The following MRGPRF variants were observed in gnomAD, a reference collection of about 807,000 sequenced individuals.
The protein encoded by MRGPRF is mas-related G protein-coupled receptor member F.
MRGPRF carries 2 observed loss-of-function variants against 3.3 expected under a neutral mutation model. The ratio of observed to expected loss-of-function variants is 0.61; its 90% CI spans 0.25 to 1.92. The LOEUF is 1.92. Ranked by LOEUF, MRGPRF falls within the 40% of genes most tolerant of loss-of-function variation. The pLI is 0.16. For missense variants in MRGPRF, 500 were observed against 476.0 expected (o/e 1.05, Z -0.47); for synonymous variants, 242 against 222.7 (o/e 1.09, Z -0.77).
Position 69,005,309 on chromosome 11 carries a change from T to C in MRGPRF, c.1001A>G (p.Glu334Gly). Residue 334 changes from glutamate (E) to glycine (G), a missense_variant, in exon 3 of 3, where the codon GAG becomes GGG. Coordinates refer to ENST00000309099, the MANE Select transcript of MRGPRF (RefSeq NM_145015.5). ...GGSTPNTVTM[E>G]MQCPPGNAS is the part of the protein sequence containing the mutation. ...GGCGTTCCCCGGGGGACACTGCATC[T>C]CCATGGTGACTGTGTTGGGCGTGCT... The C allele has an allele frequency of 6.5e-7, 1 of 1,535,888 alleles. No individual in the cohort carries two copies. The highest frequency in any genetic ancestry group is 8.7e-7 in the Non-Finnish European group (1 of 1,145,602).
intron 2 of MRGPRF, chr11:69,009,490 G>C: frequency 1.7e-6 from 1 of 579,856 alleles, no homozygotes; most frequent in Non-Finnish European, 3.1e-6. Flanking sequence ...CCACCTTGGA[G>C]TCAGCGTCCC....
rs1457897217 is a variant in MRGPRF, at chr11:69,006,255, G to A, written c.55C>T (p.Pro19Ser). The part of the protein sequence containing the change: ...AHPGNRNKMC[P>S]GLSEAPELYS... Reference sequence around the variant, plus strand: ...AGTTCCGGGGCCTCGCTCAGGCCAGGGCACATCTGCGCAGGTGCAGAGAGG... The same window carrying A: ...AGTTCCGGGGCCTCGCTCAGGCCAGAGCACATCTGCGCAGGTGCAGAGAGG... The change falls in exon 3 of 3, where the codon CCT becomes TCT. Residue 19 changes from proline (P) to serine (S), a missense_variant. Coordinates refer to ENST00000309099, the MANE Select transcript of MRGPRF (RefSeq NM_145015.5). The A allele has an allele frequency of 6.2e-7, 1 of 1,608,976 alleles. No individual in the cohort carries two copies. Among genetic ancestry groups the A allele is most frequent in the African/African-American group, 1.3e-5 (1 of 74,856 alleles).
rs1472196777 is a variant in MRGPRF at position 69,004,522 on chromosome 11, T to C, written c.*756A>G. 1 of 152,324 alleles carries C rather than the reference T, an allele frequency of 6.6e-6. No individual in the cohort carries two copies. Among genetic ancestry groups the C allele is most frequent in the Non-Finnish European group, 1.5e-5 (1 of 68,122 alleles). The allele number at this position is 152,324 out of a possible 1,614,324, so 9.4% of individuals were successfully genotyped here. On this transcript the variant is annotated 3_prime_UTR_variant, in exon 3 of 3. Transcript: ENST00000309099. ...GCCAGGGCGGAGCCAGTGTCCACTT[T>C]CGGGTGGGGGCTGGAGCCAAGAGGC...
At position 69,005,744 on chromosome 11, in the gene MRGPRF, G is replaced by A. The variant is rs1860464861; in HGVS notation, c.566C>T (p.Ala189Val). 1.3e-6 allele frequency: 2 copies of A among 1,549,520 alleles called. No homozygotes were observed. The highest frequency in any genetic ancestry group is 1.7e-6 in the Non-Finnish European group (2 of 1,146,442). The change falls in exon 3 of 3, where the codon GCC (alanine) becomes GTC (valine). Residue 189 changes from alanine to valine, a missense_variant. Physicochemically the swap from Ala to Val is moderately conservative, Grantham distance 64. Transcript: ENST00000309099. The stretch of plus-strand genomic sequence containing the variant: ...CATGTGCCTGCAGGCCGCGCCGGGG[G>A]CCCCGCGGCCCAGGAACACGCAGAA... ...NYFCVFLGRGAPGAACRHMDI... is the reference protein window; with the variant it reads ...NYFCVFLGRGVPGAACRHMDI...
Position 69,006,911 on chromosome 11 carries a change from C to A in MRGPRF, c.49-650G>T, listed in dbSNP as rs545737008. ...GGGATTATAGACGTGAGTCACTGCG[C>A]CTGGCTGAGCCTTTCCATTTTTAAG... On this transcript the variant is annotated intron_variant, in intron 2 of 2. Transcript: ENST00000309099. 2.0e-5 allele frequency among the ~76,000 whole-genome samples: 3 copies of A among 152,274 alleles called. No individual in the cohort carries two copies. In the South Asian group the frequency reaches 6.2e-4, roughly 32 times the overall value.
chr11:69,013,517 G>A (rs1053071608), upstream of MRGPRF: 9 of 152,432 alleles, frequency 5.9e-5, no homozygotes, highest in African/African-American at 1.9e-4. Context: ...AGGGAGCACC[G>A]GCTGTACACT....
At chr11:69,007,039 A>G (rs1860505304) in intron 2 of MRGPRF, among the ~76,000 whole-genome samples, 1 of 152,214 alleles carries the variant, frequency 6.6e-6, no homozygotes, top group Non-Finnish European at 1.5e-5. Context: ...CACTGGGGAA[A>G]TGTGAGTATG....
intron 1 of MRGPRF, among the ~76,000 whole-genome samples, chr11:69,010,330 G>A (rs1258475553): frequency 6.6e-6 from 1 of 152,258 alleles, no homozygotes; most frequent in Non-Finnish European, 1.5e-5. Flanking sequence ...GTGGGGACAG[G>A]GGTTTCCCAG....
In MRGPRF at chr11:69,005,293, C is replaced by G. The variant is rs11819876; in HGVS notation, c.1017G>C (p.Pro339=). Residue 339 remains proline, a synonymous_variant, in exon 3 of 3, where the codon CCG becomes CCC. Transcript: ENST00000309099. ...NTVTMEMQCP[P]GNAS ...CGCTGGAGTCTCAGGAGGCGTTCCC[C>G]GGGGGACACTGCATCTCCATGGTGA... The G allele has an allele frequency of 3.7e-3, 5,521 of 1,511,058 alleles. 175 individuals carry two copies. The African/African-American group carries it at 0.066, about 18-fold the overall frequency. The allele number at this position is 1,511,058 out of a possible 1,614,324, so 93.6% of individuals were successfully genotyped here.
Position 69,005,634 on chromosome 11 carries a change from A to G in MRGPRF, c.676T>C (p.Cys226Arg), listed in dbSNP as rs1860459728. The change falls in exon 3 of 3, where the codon TGC becomes CGC. Residue 226 changes from cysteine (C) to arginine (R), a missense_variant. Coordinates refer to ENST00000309099, the MANE Select transcript of MRGPRF (RefSeq NM_145015.5). ...GAGCGCTGGCGCCGTCGGGCCCGGC[A>G]CTCCACGTGCAGGATGAGGGCCAGG... is the stretch of plus-strand genomic sequence containing the variant. Reference protein sequence around the residue: ...PCLALILHVECRARRRQRSAK... With the variant: ...PCLALILHVERRARRRQRSAK... 3.2e-6 allele frequency: 5 copies of G among 1,554,552 alleles called. No homozygotes were observed. The highest frequency in any genetic ancestry group is 4.4e-6 in the Non-Finnish European group (5 of 1,149,294).
Position 69,005,574 on chromosome 11 carries a change from A to G in MRGPRF, c.736T>C (p.Ser246Pro), listed in dbSNP as rs142440185. The change falls in exon 3 of 3, where the codon TCC becomes CCC. Residue 246 changes from serine to proline, a missense_variant. Physicochemically the swap from Ser to Pro is moderately conservative, Grantham distance 74. Transcript: ENST00000309099. ...TAGATGGAGGACACCAGGAAGACGG[A>G]GACCATGGCCAGGATGACGTGGTTG... is the stretch of plus-strand genomic sequence containing the variant. The part of the protein sequence containing the change: ...KLNHVILAMV[S>P]VFLVSSIYLG... 527 of 1,584,334 alleles carry G rather than the reference A, an allele frequency of 3.3e-4. No individual in the cohort carries two copies. Among genetic ancestry groups the G allele is most frequent in the Non-Finnish European group, 4.3e-4 (503 of 1,165,816 alleles).
Position 69,005,407 on chromosome 11 carries a change from C to G in MRGPRF, c.903G>C (p.Arg301=). The G allele has an allele frequency of 6.3e-7, 1 of 1,580,936 alleles. No individual in the cohort carries two copies. Among genetic ancestry groups the G allele is most frequent in the Non-Finnish European group, 8.6e-7 (1 of 1,163,970 alleles). Residue 301 remains arginine, a synonymous_variant, in exon 3 of 3, where the codon CGG becomes CGC. Transcript: ENST00000309099. ...AGACCACCCTGAGCGGCTCCCACAG[C>G]CGCTGCGACTTGTCCCTCCCGGCCA... ...YFLAGRDKSQ[R]LWEPLRVVFQ...
intron 2 of MRGPRF, among the ~76,000 whole-genome samples, chr11:69,007,260 T>G (rs1298107748): frequency 6.6e-6 from 1 of 152,136 alleles, no homozygotes; most frequent in Non-Finnish European, 1.5e-5. Context: ...CAGGCTAGAG[T>G]GCAGTGGCCC....
chr11:69,006,252 C>T lies in MRGPRF; in HGVS notation c.58G>A (p.Gly20Ser), dbSNP rs1860487136. Reference protein sequence around the residue: ...HPGNRNKMCPGLSEAPELYSR... With the variant: ...HPGNRNKMCPSLSEAPELYSR... ...TAGAGTTCCGGGGCCTCGCTCAGGC[C>T]AGGGCACATCTGCGCAGGTGCAGAG... The change falls in exon 3 of 3, where the codon GGC (glycine) becomes AGC (serine). Residue 20 changes from glycine (G) to serine (S), a missense_variant. Physicochemically the swap from Gly to Ser is moderately conservative, Grantham distance 56. Coordinates refer to ENST00000309099, the MANE Select transcript of MRGPRF (RefSeq NM_145015.5). 2 of 1,609,184 alleles carry T rather than the reference C, an allele frequency of 1.2e-6. No homozygotes were observed. The highest frequency in any genetic ancestry group is 1.1e-5 in the South Asian group (1 of 90,940).
chr11:69,005,735 G>A lies in MRGPRF; in HGVS notation c.575C>T (p.Ala192Val), dbSNP rs1163843209. The change falls in exon 3 of 3, where the codon GCG (alanine) becomes GTG (valine). Residue 192 changes from alanine to valine, a missense_variant. Physicochemically the swap from Ala to Val is moderately conservative, Grantham distance 64 (BLOSUM62 0). Coordinates refer to ENST00000309099, the MANE Select transcript of MRGPRF (RefSeq NM_145015.5). ...GAAGATGTCCATGTGCCTGCAGGCC[G>A]CGCCGGGGGCCCCGCGGCCCAGGAA... ...CVFLGRGAPGAACRHMDIFLG... is the reference protein window; with the variant it reads ...CVFLGRGAPGVACRHMDIFLG... The A allele has an allele frequency of 5.8e-6, 9 of 1,549,978 alleles. No individual in the cohort carries two copies. The highest frequency in any genetic ancestry group is 1.7e-4 in the Middle Eastern group (1 of 5,976).
chr11:69,011,633 C>T (rs1231334598), intron 1 of MRGPRF, among the ~76,000 whole-genome samples: 1 of 152,218 alleles, frequency 6.6e-6, no homozygotes, highest in Non-Finnish European at 1.5e-5. Flanking sequence ...CTTTCCTGCC[C>T]TGCAACCCCA....
chr11:69,011,853 A>G (rs1860604273), intron 1 of MRGPRF, among the ~76,000 whole-genome samples: 1 of 152,118 alleles, frequency 6.6e-6, no homozygotes, highest in Non-Finnish European at 1.5e-5. Flanking sequence ...CTAGTGCCCC[A>G]AAGGCAGTGG....
Position 69,005,592 on chromosome 11 carries a change from C to G in MRGPRF, c.718G>C (p.Val240Leu). 6.3e-7 allele frequency: 1 copy of G among 1,577,710 alleles called. No individual in the cohort carries two copies. The highest frequency in any genetic ancestry group is 8.6e-7 in the Non-Finnish European group (1 of 1,162,308). ...AAGACGGAGACCATGGCCAGGATGA[C>G]GTGGTTGAGCTTGGCAGAGCGCTGG... ...RRQRSAKLNH[V>L]ILAMVSVFLV... The change falls in exon 3 of 3, where the codon GTC (valine) becomes CTC (leucine). Residue 240 changes from valine (V) to leucine (L), a missense_variant. Physicochemically the swap from Val to Leu is conservative, Grantham distance 32. Coordinates refer to ENST00000309099, the MANE Select transcript of MRGPRF (RefSeq NM_145015.5).
rs887398765 is a variant in MRGPRF at position 69,005,624 on chromosome 11, C to T, written c.686G>A (p.Arg229Gln). The T allele has an allele frequency of 4.5e-6, 7 of 1,557,780 alleles. No homozygotes were observed. The African/African-American group carries it at 6.8e-5, about 15-fold the overall frequency. Residue 229 changes from arginine to glutamine, a missense_variant, in exon 3 of 3, where the codon CGA becomes CAA. Coordinates refer to ENST00000309099, the MANE Select transcript of MRGPRF (RefSeq NM_145015.5). Reference protein sequence around the residue: ...ALILHVECRARRRQRSAKLNH... With the variant: ...ALILHVECRAQRRQRSAKLNH... Reference sequence around the variant, plus strand: ...GAGCTTGGCAGAGCGCTGGCGCCGTCGGGCCCGGCACTCCACGTGCAGGAT... The same window carrying T: ...GAGCTTGGCAGAGCGCTGGCGCCGTTGGGCCCGGCACTCCACGTGCAGGAT...
Sources: allele counts gnomAD v4.1 joint callset (sites outside exome capture counted in the v4.1 genomes callset), GRCh38; gene constraint gnomAD v4.1.1; transcripts MANE v1.5; gene names NCBI Gene and HGNC (gene_info 2026-07-23, HGNC 2026-07-21).